The following EPHB1 variants were observed in gnomAD, a reference collection of about 807,000 sequenced individuals.
EPHB1 encodes ephrin type-B receptor 1.
A neutral mutation model predicts 94.4 loss-of-function variants in EPHB1; 30 were observed. The ratio of observed to expected loss-of-function variants is 0.32; its 90% CI spans 0.24 to 0.43. The LOEUF is 0.43. Ranked by LOEUF, EPHB1 falls within the 20% of genes least tolerant of loss-of-function variation. The pLI is 1.00. For synonymous variants in EPHB1, 522 were observed against 489.1 expected, an observed-to-expected ratio of 1.07 and a Z score of -0.89; for missense variants, 1,055 against 1,308.3, an observed-to-expected ratio of 0.81 and a Z score of 2.99.
chr3:134,870,159 T>C (rs886797421), intron 1 of EPHB1, among the ~76,000 whole-genome samples: 6 of 152,126 alleles, frequency 3.9e-5, no homozygotes, highest in Admixed American at 1.3e-4. Flanking sequence ...TGGGTCTATA[T>C]GGGAGAGAAG....
At chr3:134,833,318 C>T (rs2036610744) in intron 1 of EPHB1, among the ~76,000 whole-genome samples, 1 of 152,182 alleles carries the variant, frequency 6.6e-6, no homozygotes, top group Admixed American at 6.5e-5. Context: ...AAAGACTGCC[C>T]AGGATAGAGT....
chr3:134,908,620 A>G (rs535907275), intron 1 of EPHB1, among the ~76,000 whole-genome samples: 203 of 152,308 alleles, frequency 1.3e-3, no homozygotes, highest in African/African-American at 4.5e-3. Flanking sequence ...ATTCCTGGCC[A>G]GAGCTGCAAA....
At position 135,181,520 on chromosome 3, in the gene EPHB1, C is replaced by T. The variant is rs962476296; in HGVS notation, c.1882+1538C>T. ...TAAACATCAAAGAGTGTTGGGGAGG[C>T]GGGCTTTCAGTCCTGTACTCTGTTT... On this transcript the variant is annotated intron_variant, in intron 10 of 15. Transcript: ENST00000398015. Among the ~76,000 whole-genome samples the T allele has an allele frequency of 1.2e-4, 18 of 152,254 alleles. 1 individual carries two copies. In the South Asian group the frequency reaches 1.2e-3, roughly 11 times the overall value.
At chr3:134,800,746 A>C (rs2035920309) in intron 1 of EPHB1, among the ~76,000 whole-genome samples, 1 of 152,226 alleles carries the variant, frequency 6.6e-6, no homozygotes, top group East Asian at 1.9e-4. Flanking sequence ...CCAGTGATTC[A>C]CATGCAGACA....
At chr3:134,896,971 C>T (rs2038097792) in intron 1 of EPHB1, among the ~76,000 whole-genome samples, 2 of 152,226 alleles carry the variant, frequency 1.3e-5, no homozygotes. Flanking sequence ...ATCTGCCTGT[C>T]ACCAGGGGGC....
At chr3:135,205,637 A>G (rs1297333917) in intron 12 of EPHB1, among the ~76,000 whole-genome samples, 1 of 152,186 alleles carries the variant, frequency 6.6e-6, no homozygotes, top group African/African-American at 2.4e-5. Flanking sequence ...TCAAGCACAC[A>G]GAGAACTTGA....
intron 6 of EPHB1, among the ~76,000 whole-genome samples, chr3:135,155,963 G>T (rs1941340908): frequency 6.6e-6 from 1 of 151,854 alleles, no homozygotes. Flanking sequence ...GAGGATGATG[G>T]TGTAATCAGG....
At chr3:134,993,853 C>T (rs1413760055) in intron 3 of EPHB1, among the ~76,000 whole-genome samples, 2 of 152,200 alleles carry the variant, frequency 1.3e-5, no homozygotes, top group African/African-American at 4.8e-5. Context: ...CTCTGTGTTC[C>T]AGCCACATTT....
chr3:135,015,125 A>G (rs1372045038), intron 3 of EPHB1, among the ~76,000 whole-genome samples: 1 of 152,084 alleles, frequency 6.6e-6, no homozygotes, highest in African/African-American at 2.4e-5. Context: ...TGGCCATTCC[A>G]GCAACTGCCC....
chr3:135,019,671 A>G (rs892379515), intron 3 of EPHB1, among the ~76,000 whole-genome samples: 2 of 152,336 alleles, frequency 1.3e-5, no homozygotes, highest in East Asian at 3.9e-4. Context: ...CATCCATTGA[A>G]TATTACATTG....
At chr3:135,154,056 C>T (rs1312049088) in intron 5 of EPHB1, 96 bp from the exon 6 acceptor site, 10 of 1,528,954 alleles carry the variant, frequency 6.5e-6, no homozygotes, top group Middle Eastern at 1.7e-4. Flanking sequence ...GAGTTCAAGC[C>T]GAATGCCATT....
chr3:135,178,893 C>T (rs1333337742), intron 9 of EPHB1, among the ~76,000 whole-genome samples: 2 of 152,160 alleles, frequency 1.3e-5, no homozygotes, highest in East Asian at 1.9e-4. Flanking sequence ...ATTTGACCTT[C>T]GAAGCCCCAG....
intron 6 of EPHB1, among the ~76,000 whole-genome samples, chr3:135,154,766 A>G (rs368525078): frequency 6.6e-6 from 1 of 152,196 alleles, no homozygotes; most frequent in Admixed American, 6.5e-5. Context: ...AAAGGATGAG[A>G]TAAAAATTAA....
chr3:135,132,859 C>G lies in EPHB1; in HGVS notation c.1107C>G (p.Ser369Arg), dbSNP rs1940467779. 4.3e-6 allele frequency: 7 copies of G among 1,614,070 alleles called. No homozygotes were observed. Among genetic ancestry groups the G allele is most frequent in the Non-Finnish European group, 5.9e-6 (7 of 1,179,910 alleles). ...ICKKCRADRR[S>R]CSRCDDNVEF... Reference sequence around the variant, plus strand: ...AAAAGTGCCGGGCAGACCGCCGGAGCTGCTCCCGCTGTGACGACAATGTGG... The same window carrying G: ...AAAAGTGCCGGGCAGACCGCCGGAGGTGCTCCCGCTGTGACGACAATGTGG... The change falls in exon 5 of 16, where the codon AGC (serine) becomes AGG (arginine). Residue 369 changes from serine (S) to arginine (R), a missense_variant. Ser to Arg is a moderately radical substitution (Grantham distance 110). Transcript: ENST00000398015.
chr3:135,051,024 C>A (rs1559810106), intron 3 of EPHB1, among the ~76,000 whole-genome samples: 1 of 152,038 alleles, frequency 6.6e-6, no homozygotes, highest in Non-Finnish European at 1.5e-5. Flanking sequence ...GAGGGGCACC[C>A]AAGTGGGTCT....
intron 1 of EPHB1, among the ~76,000 whole-genome samples, chr3:134,838,126 T>C (rs971490943): frequency 6.6e-6 from 1 of 152,078 alleles, no homozygotes; most frequent in African/African-American, 2.4e-5. Context: ...GCCCCATGGA[T>C]TGTCAGGCTT....
intron 1 of EPHB1, among the ~76,000 whole-genome samples, chr3:134,894,658 T>C (rs79940277): frequency 6.6e-6 from 1 of 152,212 alleles, no homozygotes; most frequent in Non-Finnish European, 1.5e-5. Context: ...GGCTCTGATA[T>C]AGCAGACCAG....
At chr3:134,845,641 A>G (rs994160492) in intron 1 of EPHB1, among the ~76,000 whole-genome samples, 15 of 152,206 alleles carry the variant, frequency 9.9e-5, no homozygotes, top group African/African-American at 3.4e-4. Flanking sequence ...CCACCCAGCC[A>G]CATTCTGCAT....
rs61002729 is a variant in EPHB1 at position 134,827,363 on chromosome 3, GCACACACACA to G, written c.58+31691_58+31700del. Among the ~76,000 whole-genome samples the G allele has an allele frequency of 3.3e-5, 5 of 150,768 alleles. 1 individual carries two copies. The East Asian group carries it at 5.9e-4, about 18-fold the overall frequency. On this transcript the variant is annotated intron_variant, in intron 1 of 15. Coordinates refer to ENST00000398015, the MANE Select transcript of EPHB1 (RefSeq NM_004441.5). ...TCAACAGATGTGCGCGGGTGCGCGT[GCACACACACA>G]CACACACACACACACATACACACAC...
Sources: allele counts gnomAD v4.1 joint callset (sites outside exome capture counted in the v4.1 genomes callset), GRCh38; gene constraint gnomAD v4.1.1; transcripts MANE v1.5; gene names NCBI Gene and HGNC (gene_info 2026-07-23, HGNC 2026-07-21).